Variants in FAS observed in about 807,000 individuals in gnomAD.
FAS encodes Fas cell surface death receptor, also known as tumor necrosis factor receptor superfamily member 6.
In FAS, 5 loss-of-function variants were observed where a neutral mutation model predicts 33.2. That is an observed-to-expected ratio of 0.15 (90% CI 0.08 to 0.32). The LOEUF is 0.32. FAS is among the 10% of genes least tolerant of loss of function. The probability of loss-of-function intolerance (pLI) is 1.00; values close to 1 mark genes in which losing one functional copy is unlikely to be tolerated. For synonymous variants in FAS, 131 were observed against 130.7 expected (o/e 1.00, Z -0.01); for missense variants, 339 against 386.0 (o/e 0.88, Z 1.02).
chr10:88,993,686 A>G (rs1847409613), intron 1 of FAS, among the ~76,000 whole-genome samples: 1 of 152,226 alleles, frequency 6.6e-6, no homozygotes, highest in Non-Finnish European at 1.5e-5. Flanking sequence ...TTTGTAATTT[A>G]ATCATTTTTC....
intron 3 of FAS, among the ~76,000 whole-genome samples, chr10:89,008,567 T>C (rs1282359443): frequency 6.6e-6 from 1 of 152,210 alleles, no homozygotes; most frequent in Non-Finnish European, 1.5e-5. Context: ...CCTAACATTC[T>C]ACATTTTTAA....
chr10:88,983,286 T>G (rs1846756966), upstream of FAS, among the ~76,000 whole-genome samples: 1 of 152,186 alleles, frequency 6.6e-6, no homozygotes, highest in South Asian at 2.1e-4. Flanking sequence ...CTCACTGTAT[T>G]ATGATCTTAG....
chr10:88,998,941 G>T (rs1351111553), intron 1 of FAS, among the ~76,000 whole-genome samples: 1 of 151,986 alleles, frequency 6.6e-6, no homozygotes, highest in Non-Finnish European at 1.5e-5. Flanking sequence ...GGATCACGGG[G>T]TCGAGAGATT....
At chr10:89,003,897 A>G (rs978021891) in intron 2 of FAS, among the ~76,000 whole-genome samples, 2 of 152,218 alleles carry the variant, frequency 1.3e-5, no homozygotes, top group East Asian at 1.9e-4. Context: ...GGACTGTAGT[A>G]TGTTTCATGG....
intron 1 of FAS, among the ~76,000 whole-genome samples, chr10:88,966,045 A>T (rs755483910): frequency 4.6e-5 from 7 of 152,186 alleles, no homozygotes; most frequent in Non-Finnish European, 1.5e-5. Context: ...GTGCAAAAGT[A>T]ATCACGGTTT....
At chr10:88,969,273 A>T (rs1846379683) in intron 1 of FAS, among the ~76,000 whole-genome samples, 1 of 152,176 alleles carries the variant, frequency 6.6e-6, no homozygotes, top group Non-Finnish European at 1.5e-5. Context: ...TCATTTCCCA[A>T]AAAAAGCTCT....
chr10:89,016,707 G>A lies in FAS; in HGVS notation c.*2257G>A, dbSNP rs961097671. On this transcript the variant is annotated 3_prime_UTR_variant, in exon 9 of 9. Coordinates refer to ENST00000652046, the MANE Select transcript of FAS (RefSeq NM_000043.6). ...TCTGGTGAACCTGGTTCTCTTTGTGGTGGGCATACTGGGTAGGAGAATCAC... is the reference window on the plus strand; with the variant it reads ...TCTGGTGAACCTGGTTCTCTTTGTGATGGGCATACTGGGTAGGAGAATCAC... 3 of 223,626 alleles carry A rather than the reference G, an allele frequency of 1.3e-5. No homozygotes were observed. The highest frequency in any genetic ancestry group is 6.7e-5 in the African/African-American group (3 of 44,818). 13.9% of individuals were successfully genotyped at this position (223,626 alleles called of 1,614,324 possible).
intron 2 of FAS, among the ~76,000 whole-genome samples, chr10:88,975,380 C>T (rs1191488106): frequency 1.3e-5 from 2 of 152,182 alleles, no homozygotes; most frequent in Non-Finnish European, 2.9e-5. Context: ...GACAATAGTA[C>T]TGTCATACTT....
upstream of FAS, among the ~76,000 whole-genome samples, chr10:88,982,738 C>G (rs1846742168): frequency 6.6e-6 from 1 of 152,084 alleles, no homozygotes; most frequent in South Asian, 2.1e-4. Context: ...AAAAATTCAG[C>G]CTAAGCAGTG....
chr10:88,970,553 C>G (rs138062326), intron 1 of FAS, among the ~76,000 whole-genome samples: 2 of 152,196 alleles, frequency 1.3e-5, no homozygotes, highest in African/African-American at 4.8e-5. Context: ...GGACATTCAA[C>G]CAGAATACTA....
In FAS at chr10:89,014,502, G is replaced by C. The variant is rs1244008893; in HGVS notation, c.*52G>C. The C allele has an allele frequency of 3.9e-6, 6 of 1,533,896 alleles. No individual in the cohort carries two copies. The highest frequency in any genetic ancestry group is 5.3e-6 in the Non-Finnish European group (6 of 1,123,760). On this transcript the variant is annotated 3_prime_UTR_variant, in exon 9 of 9. Coordinates refer to ENST00000652046, the MANE Select transcript of FAS (RefSeq NM_000043.6). ...AGTATATGCAATTAGTGTTTGAAAA[G>C]ATTCTTAATAGCTGGCTGTAAATAC...
At chr10:88,991,023 T>A (rs1847156816) in intron 1 of FAS, 117 bp downstream of exon 1, 2 of 1,430,336 alleles carry the variant, frequency 1.4e-6, no homozygotes, top group Middle Eastern at 1.9e-4. Flanking sequence ...CGCGGGCACC[T>A]GGGAGCGGCG....
chr10:88,970,589 T>C (rs1022288725), intron 1 of FAS, among the ~76,000 whole-genome samples: 10 of 152,110 alleles, frequency 6.6e-5, no homozygotes, highest in Non-Finnish European at 8.8e-5. Flanking sequence ...AGTCCAGAAA[T>C]TAGACAGTTG....
exon 2 of FAS, chr10:88,973,205 A>G: frequency 1.2e-6 from 2 of 1,612,404 alleles, no homozygotes; most frequent in Non-Finnish European, 1.7e-6. Context: ...TTTCTGGGAT[A>G]ATTTCTGGCA....
At chr10:88,968,803 GTGCATGTTAAAGAGATTC>G (rs1435925068) in intron 1 of FAS, among the ~76,000 whole-genome samples, 1 of 152,148 alleles carries the variant, frequency 6.6e-6, no homozygotes, top group Non-Finnish European at 1.5e-5. Flanking sequence ...ACCATAATGT[GTGCATGTTAAAGAGATTC>G]TGCAGGTCCC....
At chr10:88,984,372 A>G (rs1846810926), upstream of FAS, among the ~76,000 whole-genome samples, 1 of 152,118 alleles carries the variant, frequency 6.6e-6, no homozygotes, top group Non-Finnish European at 1.5e-5. Context: ...TTCTGCCTGT[A>G]TAGGTCAGAA....
intron 7 of FAS, 36 bp from the exon 8 acceptor site, chr10:89,013,307 A>C: frequency 6.3e-7 from 1 of 1,595,418 alleles, no homozygotes; most frequent in Non-Finnish European, 8.6e-7. Context: ...ATATATTTTT[A>C]TTTGTCTTTC....
chr10:88,989,379 T>C, upstream of FAS: 1 of 340,868 alleles, frequency 2.9e-6, no homozygotes, highest in Non-Finnish European at 5.9e-6. Context: ...CATTTTGGAA[T>C]AGTTTTAGGA....
intron 1 of FAS, among the ~76,000 whole-genome samples, chr10:88,997,631 A>C (rs1335962426): frequency 1.3e-5 from 2 of 152,240 alleles, no homozygotes; most frequent in Non-Finnish European, 2.9e-5. Context: ...GTAGTAGGAC[A>C]AGATGACATC....
Sources: gnomAD v4.1 joint callset for allele counts (sites outside exome capture counted in the v4.1 genomes callset) on GRCh38, gnomAD v4.1.1 for gene constraint, MANE v1.5 for transcripts, NCBI Gene and HGNC (gene_info 2026-07-23, HGNC 2026-07-21) for gene names.